AFF2: variants seen among roughly 807,000 people sequenced by gnomAD.
AFF2 encodes the protein ALF transcription elongation factor 2.
Under a neutral mutation model 76.9 loss-of-function variants are expected in AFF2, and 14 were observed. The observed-to-expected ratio is 0.18, with a 90% CI of 0.12 to 0.28. AFF2 has a LOEUF of 0.28. AFF2 is among the 10% of genes least tolerant of loss of function. The pLI is 1.00. For missense variants in AFF2, 868 were observed against 1,001.1 expected (o/e 0.87, Z 1.79); for synonymous variants, 398 against 366.7 (o/e 1.09, Z -0.98).
chrX:148,618,806 C>T (rs1444784933), intron 1 of AFF2, among the ~76,000 whole-genome samples: 2 of 111,267 alleles, frequency 1.8e-5, no homozygotes, highest in East Asian at 5.7e-4. Flanking sequence ...TGAGCAAGTA[C>T]TGAACAGGGA....
intron 9 of AFF2, among the ~76,000 whole-genome samples, chrX:148,952,206 G>A (rs138593471): frequency 9.0e-6 from 1 of 111,416 alleles, no homozygotes. Context: ...TCATGAACTC[G>A]TTTGGGTTCA....
chrX:148,613,981 A>G (rs2053759977), intron 1 of AFF2, among the ~76,000 whole-genome samples: 1 of 112,241 alleles, frequency 8.9e-6, no homozygotes, highest in South Asian at 3.6e-4. Flanking sequence ...TAAATTAATA[A>G]CAACTGTATA....
At chrX:148,520,754 G>A (rs2052586884) in intron 1 of AFF2, among the ~76,000 whole-genome samples, 1 of 112,055 alleles carries the variant, frequency 8.9e-6, no homozygotes. Flanking sequence ...TTAGAGCTGT[G>A]TTAATAATTT....
chrX:148,544,131 G>T (rs2052892933), intron 1 of AFF2, among the ~76,000 whole-genome samples: 1 of 112,101 alleles, frequency 8.9e-6, no homozygotes, highest in Non-Finnish European at 1.9e-5. Flanking sequence ...AGCAAGATAA[G>T]GAACCTCCCA....
intron 1 of AFF2, among the ~76,000 whole-genome samples, chrX:148,615,896 C>T (rs1260726143): frequency 9.0e-6 from 1 of 111,473 alleles, no homozygotes; most frequent in Non-Finnish European, 1.9e-5. Context: ...TTGTGTTTTC[C>T]ACTTACCTAC....
At chrX:148,683,096 G>T (rs1216730652) in intron 3 of AFF2, among the ~76,000 whole-genome samples, 1 of 111,852 alleles carries the variant, frequency 8.9e-6, no homozygotes. Context: ...TGTGGTCTTG[G>T]ATTTTCTTGT....
At chrX:148,773,747 AG>A (rs1557268328) in intron 3 of AFF2, among the ~76,000 whole-genome samples, 1 of 74,063 alleles carries the variant, frequency 1.4e-5, no homozygotes, top group African/African-American at 4.8e-5. Flanking sequence ...AGAAAGAAAG[AG>A]AAAGAAAGAA....
chrX:148,729,898 C>T (rs1304887531), intron 3 of AFF2, among the ~76,000 whole-genome samples: 1 of 111,711 alleles, frequency 9.0e-6, no homozygotes, highest in Non-Finnish European at 1.9e-5. Context: ...TGCTTAGTAT[C>T]TCTAGGTTTC....
chrX:148,675,791 A>G (rs1007376456), intron 3 of AFF2, among the ~76,000 whole-genome samples: 1 of 109,568 alleles, frequency 9.1e-6, no homozygotes, highest in Non-Finnish European at 1.9e-5. Context: ...GTTCTACTCT[A>G]TTTAACTTGA....
rs1174264206 is a variant in AFF2, at chrX:148,994,104, A to T, written c.*2772A>T. Reference sequence around the variant, plus strand: ...ATGGAGGCTTGGTGAGACACACTTAAATAAGCACGTGGAGGTTAGAATAGA... The same window carrying T: ...ATGGAGGCTTGGTGAGACACACTTATATAAGCACGTGGAGGTTAGAATAGA... On this transcript the variant is annotated 3_prime_UTR_variant, in exon 21 of 21. Coordinates refer to ENST00000370460, the MANE Select transcript of AFF2 (RefSeq NM_002025.4). 9.0e-6 allele frequency: 1 copy of T among 110,851 alleles called. No individual in the cohort carries two copies. The highest frequency in any genetic ancestry group is 3.3e-5 in the African/African-American group (1 of 30,039). 9.1% of individuals were successfully genotyped at this position (110,851 alleles called of 1,213,427 possible).
chrX:148,614,705 C>CTTTCTTTCTT (rs2053769334), intron 1 of AFF2, among the ~76,000 whole-genome samples: 1 of 43,086 alleles, frequency 2.3e-5, no homozygotes, highest in African/African-American at 1.7e-4. Context: ...TTCTTTCTTT[C>CTTTCTTTCTT]TTTCTTTCTT....
Position 148,691,948 on chromosome X carries a change from C to T in AFF2, c.1041+29180C>T, listed in dbSNP as rs149875223. Among the ~76,000 whole-genome samples, 202 of 111,101 alleles carry T rather than the reference C, an allele frequency of 1.8e-3. 2 individuals carry two copies. The highest frequency in any genetic ancestry group is 6.4e-3 in the African/African-American group (195 of 30,565). ...AGCTGTAGACAGTGACAATTATTAA[C>T]GAATAAAATTAAGTCAGAAATATTC... On this transcript the variant is annotated intron_variant, in intron 3 of 20. Coordinates refer to ENST00000370460, the MANE Select transcript of AFF2 (RefSeq NM_002025.4).
At chrX:148,948,540 A>G (rs951670805) in intron 9 of AFF2, among the ~76,000 whole-genome samples, 5 of 111,708 alleles carry the variant, frequency 4.5e-5, no homozygotes, top group Non-Finnish European at 7.5e-5. Flanking sequence ...TTATTAAAGT[A>G]TGAAAATATG....
intron 9 of AFF2, among the ~76,000 whole-genome samples, chrX:148,908,276 T>C (rs1273806798): frequency 8.9e-6 from 1 of 111,996 alleles, no homozygotes; most frequent in East Asian, 2.8e-4. Context: ...AAGACAGGCA[T>C]AGGAAATCAT....
intron 2 of AFF2, among the ~76,000 whole-genome samples, chrX:148,659,679 C>T (rs1049753182): frequency 5.4e-5 from 6 of 112,098 alleles, no homozygotes; most frequent in Non-Finnish European, 7.5e-5. Context: ...GCATCAGATT[C>T]TTGTTGGACC....
chrX:148,800,756 T>C (rs2070047253), intron 3 of AFF2, among the ~76,000 whole-genome samples: 1 of 111,803 alleles, frequency 8.9e-6, no homozygotes, highest in African/African-American at 3.2e-5. Flanking sequence ...ACACTGTAAA[T>C]GATTTGAAGA....
chrX:148,806,172 C>T (rs191886068), intron 3 of AFF2, among the ~76,000 whole-genome samples: 2 of 112,478 alleles, frequency 1.8e-5, no homozygotes, highest in African/African-American at 3.2e-5. Context: ...AGTAACTCCT[C>T]CAGAATTACT....
At chrX:148,820,766 T>C (rs1603306274) in intron 4 of AFF2, among the ~76,000 whole-genome samples, 1 of 111,870 alleles carries the variant, frequency 8.9e-6, no homozygotes, top group African/African-American at 3.2e-5. Context: ...AATTTACTCA[T>C]GTAACAAACA....
At position 148,992,520 on chromosome X, in the gene AFF2, C is replaced by G. The variant is rs782125153; in HGVS notation, c.*1188C>G. On this transcript the variant is annotated 3_prime_UTR_variant, in exon 21 of 21. Transcript: ENST00000370460. ...GGCTCATTAACTTTTGACTGAATTACAATTACTCCTTTTATTAAAGTCCAT... is the reference window on the plus strand; with the variant it reads ...GGCTCATTAACTTTTGACTGAATTAGAATTACTCCTTTTATTAAAGTCCAT... The G allele has an allele frequency of 1.4e-4, 16 of 112,117 alleles. No individual in the cohort carries two copies. The highest frequency in any genetic ancestry group is 4.9e-4 in the African/African-American group (15 of 30,918). 9.2% of individuals were successfully genotyped at this position (112,117 alleles called of 1,213,427 possible).
Sources: allele counts gnomAD v4.1 joint callset (sites outside exome capture counted in the v4.1 genomes callset), GRCh38; gene constraint gnomAD v4.1.1; transcripts MANE v1.5; gene names NCBI Gene and HGNC (gene_info 2026-07-23, HGNC 2026-07-21).